The following CDYL2 variants were observed in gnomAD, a reference collection of about 807,000 sequenced individuals.
The protein encoded by CDYL2 is chromodomain Y-like protein 2.
In CDYL2, 23 loss-of-function variants were observed where a neutral mutation model predicts 49.4. The observed-to-expected ratio is 0.47, with a 90% CI of 0.34 to 0.66. CDYL2 has a LOEUF of 0.66. Among genes scored for constraint, CDYL2 ranks in the 30% least tolerant of loss-of-function variants. The pLI is 0.01. For missense variants in CDYL2, 678 were observed against 656.4 expected (o/e 1.03, Z -0.36); for synonymous variants, 360 against 268.8 (o/e 1.34, Z -3.32).
intron 5 of CDYL2, among the ~76,000 whole-genome samples, chr16:80,608,567 G>A (rs1906449279): frequency 6.6e-6 from 1 of 152,144 alleles, no homozygotes; most frequent in African/African-American, 2.4e-5. Flanking sequence ...ACCCAGCCGT[G>A]ATGACATCAT....
At chr16:80,754,015 T>G (rs114988784) in intron 1 of CDYL2, among the ~76,000 whole-genome samples, 1 of 152,230 alleles carries the variant, frequency 6.6e-6, no homozygotes, top group East Asian at 1.9e-4. Context: ...CATGCCTTAC[T>G]GTACATAAGG....
At chr16:80,654,666 C>G (rs1006692200) in intron 2 of CDYL2, among the ~76,000 whole-genome samples, 2 of 152,150 alleles carry the variant, frequency 1.3e-5, no homozygotes, top group Non-Finnish European at 1.5e-5. Flanking sequence ...AGGCAGGGAC[C>G]AGAAAACGCT....
chr16:80,686,585 A>C (rs905113219), intron 1 of CDYL2, among the ~76,000 whole-genome samples: 5 of 152,218 alleles, frequency 3.3e-5, no homozygotes, highest in Non-Finnish European at 5.9e-5. Flanking sequence ...ATGGGTAATG[A>C]ATACATGGGG....
At chr16:80,667,301 G>T (rs1351758330) in intron 2 of CDYL2, among the ~76,000 whole-genome samples, 1 of 152,144 alleles carries the variant, frequency 6.6e-6, no homozygotes, top group South Asian at 2.1e-4. Flanking sequence ...TCCCGTGCAG[G>T]CTGCTCTAGA....
At chr16:80,736,094 C>G (rs1905514674) in intron 1 of CDYL2, among the ~76,000 whole-genome samples, 1 of 152,220 alleles carries the variant, frequency 6.6e-6, no homozygotes, top group Admixed American at 6.5e-5. Context: ...TGTGGAACTC[C>G]CAGCTGTCAC....
intron 1 of CDYL2, among the ~76,000 whole-genome samples, chr16:80,742,828 G>C (rs558210438): frequency 6.7e-6 from 1 of 149,156 alleles, no homozygotes; most frequent in Non-Finnish European, 1.5e-5. Flanking sequence ...TGAAAGACTG[G>C]GTGGTTGAGT....
rs60399715 is a variant in CDYL2 at position 80,712,191 on chromosome 16, G to GTATATATATATATATATA, written c.25-27080_25-27063dup. ...TATATGTGTCTTTGTGTCTGTGTGT[G>GTATATATATATATATATA]TATATATATATATATATATATATAT... On this transcript the variant is annotated intron_variant, in intron 1 of 6. Transcript: ENST00000570137. 2.6e-3 allele frequency among the ~76,000 whole-genome samples: 280 copies of GTATATATATATATATATA among 107,866 alleles called. 3 individuals are homozygous for GTATATATATATATATATA. Among genetic ancestry groups the GTATATATATATATATATA allele is most frequent in the East Asian group, 0.019 (78 of 4,058 alleles). The allele number at this position is 107,866 out of a possible 152,430, so 70.8% of individuals were successfully genotyped here.
chr16:80,622,195 C>T (rs933865075), intron 3 of CDYL2, among the ~76,000 whole-genome samples: 6 of 152,194 alleles, frequency 3.9e-5, no homozygotes, highest in Admixed American at 6.5e-5. Flanking sequence ...CCCCAGAGCA[C>T]GCAGCCAGCC....
chr16:80,621,399 G>C (rs1010166078), intron 3 of CDYL2, among the ~76,000 whole-genome samples: 1 of 152,202 alleles, frequency 6.6e-6, no homozygotes, highest in Non-Finnish European at 1.5e-5. Context: ...TACCCCGCAC[G>C]GCCTGCAGGT....
At position 80,598,992 on chromosome 16, in the gene CDYL2, C is replaced by T. The variant is rs1052249367; in HGVS notation, c.*5396G>A. 1 of 152,004 alleles carries T rather than the reference C, an allele frequency of 6.6e-6. No individual in the cohort carries two copies. The highest frequency in any genetic ancestry group is 2.4e-5 in the African/African-American group (1 of 41,370). 9.4% of individuals were successfully genotyped at this position (152,004 alleles called of 1,614,324 possible). A position where few individuals can be genotyped will look rare whatever the true frequency, so the allele number is the denominator to read the frequency against. The stretch of plus-strand genomic sequence containing the variant: ...AATGACTTCAAGCTGGGACTAATGG[C>T]ACAGGGACAAATTAAATACTAGATG... On this transcript the variant is annotated 3_prime_UTR_variant, in exon 7 of 7. Transcript: ENST00000570137.
At chr16:80,678,415 G>A (rs1909841921) in intron 2 of CDYL2, among the ~76,000 whole-genome samples, 1 of 152,072 alleles carries the variant, frequency 6.6e-6, no homozygotes. Flanking sequence ...AAATTTACAA[G>A]AGAAAAACAA....
chr16:80,732,572 A>G (rs138182893), intron 1 of CDYL2, among the ~76,000 whole-genome samples: 99 of 152,318 alleles, frequency 6.5e-4, no homozygotes, highest in African/African-American at 2.2e-3. Flanking sequence ...TCTGAAGGGA[A>G]CTACTTTACC....
intron 2 of CDYL2, 21 bp from the exon 3 acceptor site, chr16:80,633,257 A>T (rs1435876052): frequency 1.2e-6 from 2 of 1,603,100 alleles, no homozygotes. Flanking sequence ...CAGATAAACA[A>T]TGTAAGAAAC....
intron 2 of CDYL2, among the ~76,000 whole-genome samples, chr16:80,671,314 C>T (rs550531836): frequency 1.3e-4 from 20 of 152,304 alleles, no homozygotes; most frequent in African/African-American, 4.1e-4. Context: ...GGGGCCAGAA[C>T]CAGATTTTGG....
At chr16:80,788,053 A>G (rs956316675) in intron 1 of CDYL2, among the ~76,000 whole-genome samples, 8 of 152,160 alleles carry the variant, frequency 5.3e-5, no homozygotes, top group Non-Finnish European at 1.0e-4. Context: ...GCCAATTCCA[A>G]CCGTGAAGGA....
chr16:80,675,695 G>C (rs955289488), intron 2 of CDYL2, among the ~76,000 whole-genome samples: 1 of 151,618 alleles, frequency 6.6e-6, no homozygotes, highest in Admixed American at 6.6e-5. Context: ...AGGAGGTGAA[G>C]TTTTATTATT....
chr16:80,616,791 C>T (rs1310003068), intron 4 of CDYL2, among the ~76,000 whole-genome samples: 2 of 152,224 alleles, frequency 1.3e-5, no homozygotes, highest in African/African-American at 4.8e-5. Context: ...ATATTAGTGC[C>T]AGGAATAGCC....
chr16:80,779,834 T>C (rs1907205487), intron 1 of CDYL2, among the ~76,000 whole-genome samples: 1 of 152,184 alleles, frequency 6.6e-6, no homozygotes, highest in Admixed American at 6.5e-5. Context: ...TCAATGTTAA[T>C]GGTGAACACT....
intron 2 of CDYL2, among the ~76,000 whole-genome samples, chr16:80,664,650 A>C (rs1909185568): frequency 6.6e-6 from 1 of 152,172 alleles, no homozygotes; most frequent in South Asian, 2.1e-4. Flanking sequence ...TTCCAAATAC[A>C]ATGTAGCTCT....
Sources: gnomAD v4.1 joint callset for allele counts (sites outside exome capture counted in the v4.1 genomes callset) on GRCh38, gnomAD v4.1.1 for gene constraint, MANE v1.5 for transcripts, NCBI Gene and HGNC (gene_info 2026-07-23, HGNC 2026-07-21) for gene names.